Variants in LGI3 observed in about 807,000 individuals in gnomAD.
The protein encoded by LGI3 is leucine rich repeat LGI family member 3.
Under a neutral mutation model 55.4 loss-of-function variants are expected in LGI3, and 47 were observed. The observed-to-expected ratio is 0.85, with a 90% CI of 0.67 to 1.08. LGI3 has a LOEUF of 1.08. Among genes scored for constraint, LGI3 ranks in the 50% least tolerant of loss-of-function variants. The pLI, the probability that LGI3 is intolerant of heterozygous loss-of-function variation, is 0.00. For missense variants in LGI3, 664 were observed against 726.3 expected (o/e 0.91, Z 0.99); for synonymous variants, 326 against 315.0 (o/e 1.04, Z -0.37).
chr8:22,149,733 C>G (rs1827353750), intron 7 of LGI3, among the ~76,000 whole-genome samples: 1 of 152,138 alleles, frequency 6.6e-6, no homozygotes. Flanking sequence ...CTTTGACATC[C>G]CCAGTTCACC....
At chr8:22,150,986 C>T (rs1425605618) in intron 7 of LGI3, among the ~76,000 whole-genome samples, 3 of 152,030 alleles carry the variant, frequency 2.0e-5, no homozygotes, top group Non-Finnish European at 2.9e-5. Flanking sequence ...TCCTTGACTT[C>T]GTTCATGCTG....
At chr8:22,151,688 G>A in intron 6 of LGI3, 35 bp from the exon 7 acceptor site, 3 of 1,607,478 alleles carry the variant, frequency 1.9e-6, no homozygotes, top group Non-Finnish European at 2.6e-6. Context: ...GAAGACCAGA[G>A]GGAGAAGGGA....
At chr8:22,155,002 C>T (rs1371247263) in intron 2 of LGI3, 1 of 403,652 alleles carries the variant, frequency 2.5e-6, no homozygotes, top group Non-Finnish European at 4.5e-6. Flanking sequence ...GACACTCCTG[C>T]CATCCCTTTC....
In LGI3 at chr8:22,156,429, G is replaced by T. The variant is rs769414864; in HGVS notation, c.114C>A (p.Pro38=). ...VSAKRPPKTP[P]CPPSCSCTRD... ...TGGTGCAAGAGCAGCTGGGCGGGCA[G>T]GGGGGCGTCTTGGGGGGCCTCTTAG... The change falls in exon 1 of 8, where the codon CCC becomes CCA. Residue 38 remains proline (P), a synonymous_variant. Transcript: ENST00000306317. 3 of 1,580,932 alleles carry T rather than the reference G, an allele frequency of 1.9e-6. No individual in the cohort carries two copies. The highest frequency in any genetic ancestry group is 2.6e-6 in the Non-Finnish European group (3 of 1,165,886).
At position 22,147,758 on chromosome 8, in the gene LGI3, C is replaced by G. The variant is rs1827322838; in HGVS notation, c.*402G>C. ...ACAGCGGGGAGCAAGAGCAGGTAAA[C>G]AATGCCTGGAGCACCAACAGGAAAG... On this transcript the variant is annotated 3_prime_UTR_variant, in exon 8 of 8. Transcript: ENST00000306317. The G allele has an allele frequency of 5.3e-6, 1 of 188,156 alleles. No homozygotes were observed. Among genetic ancestry groups the G allele is most frequent in the Non-Finnish European group, 1.1e-5 (1 of 89,894 alleles). The allele number at this position is 188,156 out of a possible 1,614,324, so 11.7% of individuals were successfully genotyped here.
intron 1 of LGI3, 170 bp from the exon 2 acceptor site, chr8:22,155,633 G>A: frequency 3.2e-6 from 2 of 632,828 alleles, no homozygotes; most frequent in East Asian, 2.8e-5. Flanking sequence ...CAAATTCACT[G>A]CCTGCCTTCA....
rs530550129 is a variant in LGI3 at position 22,156,358 on chromosome 8, A to C, written c.185T>G (p.Leu62Arg). The change falls in exon 1 of 8, where the codon CTG (leucine) becomes CGG (arginine). Residue 62 changes from leucine (L) to arginine (R), a missense_variant. Leu to Arg is a moderately radical substitution (Grantham distance 102). Transcript: ENST00000306317. ...CVDSKAVPRN[L>R]PSEVISLTLV... is the part of the protein sequence containing the mutation. Reference sequence around the variant, plus strand: ...TCACAGGGAGATGACCTCCGAGGGCAGGTTCCTGGGCACCGCCTTTGAGTC... The same window carrying C: ...TCACAGGGAGATGACCTCCGAGGGCCGGTTCCTGGGCACCGCCTTTGAGTC... 1.2e-6 allele frequency: 2 copies of C among 1,609,080 alleles called. No individual in the cohort carries two copies. Among genetic ancestry groups the C allele is most frequent in the East Asian group, 2.3e-5 (1 of 44,368 alleles).
Position 22,151,473 on chromosome 8 carries a change from G to T in LGI3, c.829+16C>A. 2 of 1,612,760 alleles carry T rather than the reference G, an allele frequency of 1.2e-6. No individual in the cohort carries two copies. The highest frequency in any genetic ancestry group is 1.1e-5 in the South Asian group (1 of 90,846). On this transcript the variant is annotated intron_variant, in intron 7 of 7. Coordinates refer to ENST00000306317, the MANE Select transcript of LGI3 (RefSeq NM_139278.4). ...CCCCTAGCAAGGGCCAGCAGAACCAGATTGGGCGCAGGTACCTGGGATTCT... is the reference window on the plus strand; with the variant it reads ...CCCCTAGCAAGGGCCAGCAGAACCATATTGGGCGCAGGTACCTGGGATTCT...
At position 22,156,354 on chromosome 8, in the gene LGI3, G is replaced by C; in HGVS notation, c.189C>G (p.Pro63=). The C allele has an allele frequency of 6.2e-7, 1 of 1,609,328 alleles. No individual in the cohort carries two copies. The highest frequency in any genetic ancestry group is 8.5e-7 in the Non-Finnish European group (1 of 1,178,580). The change falls in exon 1 of 8, where the codon CCC becomes CCG. Residue 63 remains proline, a synonymous_variant. Coordinates refer to ENST00000306317, the MANE Select transcript of LGI3 (RefSeq NM_139278.4). The stretch of plus-strand genomic sequence containing the variant: ...ACACTCACAGGGAGATGACCTCCGA[G>C]GGCAGGTTCCTGGGCACCGCCTTTG... ...VDSKAVPRNL[P]SEVISLTLVN...
At chr8:22,153,082 T>TC (rs1237129345) in intron 5 of LGI3, among the ~76,000 whole-genome samples, 1 of 150,714 alleles carries the variant, frequency 6.6e-6, no homozygotes, top group East Asian at 2.0e-4. Context: ...GTACTTTTTT[T>TC]TTTTTTTTTT....
rs529333084 is a variant in LGI3 at position 22,154,053 on chromosome 8, C to T, written c.423-14G>A. ...TTGGCCAGCGAGCTGCAAAAGAGAC[C>T]GCCAGGTCATCTGAAGATCATGAGC... On this transcript the variant is annotated splice_polypyrimidine_tract_variant and intron_variant, in intron 4 of 7. Transcript: ENST00000306317. 1.1e-5 allele frequency: 17 copies of T among 1,614,054 alleles called. No homozygotes were observed. The East Asian group carries it at 2.2e-4, about 21-fold the overall frequency.
chr8:22,153,049 A>G (rs538269110), intron 5 of LGI3, among the ~76,000 whole-genome samples: 1 of 98,614 alleles, frequency 1.0e-5, no homozygotes, highest in South Asian at 2.8e-4. Flanking sequence ...GACTCTGTCT[A>G]AAAAAAAAAA....
chr8:22,154,058 G>C lies in LGI3; in HGVS notation c.423-19C>G. On this transcript the variant is annotated intron_variant, in intron 4 of 7. Transcript: ENST00000306317. ...CAGCGAGCTGCAAAAGAGACCGCCA[G>C]GTCATCTGAAGATCATGAGCAAGGC... 3 of 1,614,064 alleles carry C rather than the reference G, an allele frequency of 1.9e-6. No individual in the cohort carries two copies. The highest frequency in any genetic ancestry group is 1.7e-6 in the Non-Finnish European group (2 of 1,179,898).
chr8:22,153,971 T>G lies in LGI3; in HGVS notation c.491A>C (p.Asp164Ala), dbSNP rs1827450835. The stretch of plus-strand genomic sequence containing the variant: ...AGAGGCAGGACTCAGGCCTTACAAG[T>G]CATTCAGGATGTCCAGGGGCCGGAA... ...DIFRPLDILN[D>A]LDLRGNSLNC... The change falls in exon 5 of 8, where the codon GAC (aspartate) becomes GCC (alanine). Residue 164 changes from aspartate to alanine, a missense_variant. Asp to Ala is a moderately radical substitution (Grantham distance 126, BLOSUM62 -2). Transcript: ENST00000306317. 6.2e-7 allele frequency: 1 copy of G among 1,613,748 alleles called. No homozygotes were observed. Among genetic ancestry groups the G allele is most frequent in the Admixed American group, 1.7e-5 (1 of 60,012 alleles).
At position 22,151,640 on chromosome 8, in the gene LGI3, G is replaced by A. The variant is rs377016808; in HGVS notation, c.678C>T (p.Tyr226=). ...FDCITTDFVL[Y]QTLAFPAVSA... is the part of the protein sequence containing the mutation. ...ACACTGCTGGGAAGGCCAGGGTCTG[G>A]TACAACACAAAATCTGCAAGATGAG... The change falls in exon 7 of 8, where the codon TAC becomes TAT. Residue 226 remains tyrosine (Y), a synonymous_variant. Transcript: ENST00000306317. 4.2e-5 allele frequency: 68 copies of A among 1,613,836 alleles called. No individual in the cohort carries two copies. Among genetic ancestry groups the A allele is most frequent in the Admixed American group, 6.7e-5 (4 of 59,958 alleles).
Position 22,148,400 on chromosome 8 carries a change from G to A in LGI3, c.1407C>T (p.Ala469=), listed in dbSNP as rs745336850. 1.9e-6 allele frequency: 3 copies of A among 1,612,970 alleles called. No individual in the cohort carries two copies. The South Asian group carries it at 3.3e-5, about 18-fold the overall frequency. Residue 469 remains alanine (A), a synonymous_variant, in exon 8 of 8, where the codon GCC becomes GCT. Transcript: ENST00000306317. This position sits in a 1 kb window ranked among gnomAD's most constrained non-coding sequence, Gnocchi z 7.0. ...GGCCACCCACAAGGAAGGGCTGCAGGGCCAGCGAGCCCCGGGAGGGCAGGG... is the reference window on the plus strand; with the variant it reads ...GGCCACCCACAAGGAAGGGCTGCAGAGCCAGCGAGCCCCGGGAGGGCAGGG... The part of the protein sequence containing the change: ...VQALPSRGSL[A]LQPFLVGGRR...
intron 2 of LGI3, 115 bp from the exon 3 acceptor site, chr8:22,154,746 T>C (rs1391010753): frequency 2.5e-6 from 2 of 793,596 alleles, no homozygotes; most frequent in Middle Eastern, 6.9e-4. Flanking sequence ...CTGCTACCCC[T>C]GGGGACCCCA....
chr8:22,154,428 C>T, intron 3 of LGI3, 132 bp downstream of exon 3: 1 of 869,916 alleles, frequency 1.1e-6, no homozygotes. Flanking sequence ...TCACGGGATG[C>T]AAGGGCTCTC....
intron 5 of LGI3, among the ~76,000 whole-genome samples, chr8:22,152,656 G>A (rs768926565): frequency 2.7e-5 from 4 of 150,234 alleles, no homozygotes; most frequent in East Asian, 2.0e-4. Flanking sequence ...CAGGAGAATC[G>A]CTTGAACCCG....
Sources: allele counts gnomAD v4.1 joint callset (sites outside exome capture counted in the v4.1 genomes callset), GRCh38; gene constraint gnomAD v4.1.1; non-coding constraint Gnocchi (gnomAD v3.1); transcripts MANE v1.5; gene names NCBI Gene and HGNC (gene_info 2026-07-23, HGNC 2026-07-21).